Variants in RAI1 observed in about 807,000 individuals in gnomAD.
RAI1 encodes the protein retinoic acid-induced protein 1.
A neutral mutation model predicts 123.8 loss-of-function variants in RAI1; 9 were observed. That is an observed-to-expected ratio of 0.07 (90% CI 0.04 to 0.13). The LOEUF (loss-of-function observed/expected upper bound fraction) is 0.13, where lower values mean the gene tolerates loss of function less well. Ranked by LOEUF, RAI1 falls within the 10% of genes least tolerant of loss-of-function variation. RAI1 has a pLI of 1.00. For missense variants in RAI1, 2,256 were observed against 2,545.8 expected (o/e 0.89, Z 2.45); for synonymous variants, 1,231 against 1,127.3 (o/e 1.09, Z -1.84).
Position 17,793,073 on chromosome 17 carries a change from G to T in RAI1, c.125G>T (p.Arg42Leu). The T allele has an allele frequency of 1.2e-6, 2 of 1,613,684 alleles. No homozygotes were observed. Among genetic ancestry groups the T allele is most frequent in the East Asian group, 2.2e-5 (1 of 44,872 alleles). ...AGTCAGGCCGGGCTAAGCTGCGACC[G>T]GCAGCGGCTGCTCGCCAAGGACTAT... ...QPSQAGLSCD[R>L]QRLLAKDYYN... is the part of the protein sequence containing the mutation. The change falls in exon 3 of 6, where the codon CGG (arginine) becomes CTG (leucine). Residue 42 changes from arginine (R) to leucine (L), a missense_variant. Arg to Leu is a moderately radical substitution (Grantham distance 102, BLOSUM62 -2). Transcript: ENST00000353383.
At chr17:17,765,688 T>G (rs2142993559) in intron 2 of RAI1, 1 of 152,362 alleles carries the variant, frequency 6.6e-6, no homozygotes, top group Middle Eastern at 3.4e-3. Context: ...GGCCCATCTT[T>G]TAAGTCAGGG....
rs991131708 is a variant in RAI1 at position 17,807,258 on chromosome 17, C to T, written c.5660-2132C>T. Among the ~76,000 whole-genome samples the T allele has an allele frequency of 2.5e-3, 11 of 4,442 alleles. No individual in the cohort carries two copies. In the East Asian group the frequency reaches 0.056, roughly 22 times the overall value. 2.9% of individuals were successfully genotyped at this position (4,442 alleles called of 152,430 possible). On this transcript the variant is annotated intron_variant, in intron 4 of 5. Coordinates refer to ENST00000353383, the MANE Select transcript of RAI1 (RefSeq NM_030665.4). ...TCTGCCAGCCAGGCGGTGGGGGGGGCGGGGGGGTGGGAGTGAGAGGGCACT... is the reference window on the plus strand; with the variant it reads ...TCTGCCAGCCAGGCGGTGGGGGGGGTGGGGGGGTGGGAGTGAGAGGGCACT...
chr17:17,703,196 A>T (rs961750832), intron 1 of RAI1, among the ~76,000 whole-genome samples: 2 of 152,170 alleles, frequency 1.3e-5, no homozygotes, highest in African/African-American at 4.8e-5. Flanking sequence ...CAAGGCTTCC[A>T]GGCAGGGAGT....
In RAI1 at chr17:17,699,671, G is replaced by T. The variant is rs998796071; in HGVS notation, c.-149+17878G>T. ...AATGAATTGCCAGTGAGTAATCGTT[G>T]AGTGACTTCATTTCCAATTTCCAGT... On this transcript the variant is annotated intron_variant, in intron 1 of 5. Transcript: ENST00000353383. 3.3e-5 allele frequency among the ~76,000 whole-genome samples: 5 copies of T among 151,756 alleles called. No homozygotes were observed. The East Asian group carries it at 9.6e-4, about 29-fold the overall frequency.
intron 2 of RAI1, among the ~76,000 whole-genome samples, chr17:17,743,043 C>CA (rs2142972447): frequency 6.6e-6 from 1 of 152,324 alleles, no homozygotes; most frequent in South Asian, 2.1e-4. Flanking sequence ...GGCTGGAGTG[C>CA]AGTGACATGA....
intron 2 of RAI1, among the ~76,000 whole-genome samples, chr17:17,756,197 ATT>A (rs765341751): frequency 2.0e-4 from 28 of 143,216 alleles, no homozygotes; most frequent in Non-Finnish European, 2.2e-4. Flanking sequence ...GAGTGAATGA[ATT>A]TTTTTTTTTT....
In RAI1 at chr17:17,794,978, G is replaced by A. The variant is rs780731931; in HGVS notation, c.2030G>A (p.Gly677Asp). ...LPDSLQLDKG[G>D]NAKDFSPGLF... ...GACTCCTTGCAGCTGGACAAGGGCG[G>A]CAATGCCAAGGACTTCAGCCCAGGG... Residue 677 changes from glycine (G) to aspartate (D), a missense_variant, in exon 3 of 6, where the codon GGC becomes GAC. Physicochemically the swap from Gly to Asp is moderately conservative, Grantham distance 94. Coordinates refer to ENST00000353383, the MANE Select transcript of RAI1 (RefSeq NM_030665.4). 6.2e-7 allele frequency: 1 copy of A among 1,613,828 alleles called. No homozygotes were observed. Among genetic ancestry groups the A allele is most frequent in the Non-Finnish European group, 8.5e-7 (1 of 1,180,050 alleles).
intron 1 of RAI1, among the ~76,000 whole-genome samples, chr17:17,701,118 C>T (rs914951751): frequency 2.0e-5 from 3 of 152,192 alleles, no homozygotes; most frequent in African/African-American, 7.2e-5. Context: ...CCCTGTCCTC[C>T]TGGGATGGGA....
intron 2 of RAI1, among the ~76,000 whole-genome samples, chr17:17,772,117 C>T (rs539077288): frequency 6.6e-6 from 1 of 152,158 alleles, no homozygotes; most frequent in Non-Finnish European, 1.5e-5. Flanking sequence ...CAAGGGTTGG[C>T]AATATGTACG....
At chr17:17,748,008 G>A (rs2029993559) in intron 2 of RAI1, among the ~76,000 whole-genome samples, 1 of 152,240 alleles carries the variant, frequency 6.6e-6, no homozygotes, top group Non-Finnish European at 1.5e-5. Flanking sequence ...AGGCTACAGT[G>A]AGCTGTGATC....
At position 17,744,066 on chromosome 17, in the gene RAI1, A is replaced by G. The variant is rs539334134; in HGVS notation, c.-17+19907A>G. Among the ~76,000 whole-genome samples, 4 of 152,374 alleles carry G rather than the reference A, an allele frequency of 2.6e-5. No individual in the cohort carries two copies. The South Asian group carries it at 8.3e-4, about 32-fold the overall frequency. On this transcript the variant is annotated intron_variant, in intron 2 of 5. Transcript: ENST00000353383. ...ACACAGTATTTAAGAGGCTTTGCCT[A>G]CAGACCTGAGTGACTGTGTGAATGG...
intron 2 of RAI1, among the ~76,000 whole-genome samples, chr17:17,781,597 G>A (rs548604545): frequency 6.6e-6 from 1 of 152,152 alleles, no homozygotes; most frequent in Non-Finnish European, 1.5e-5. Flanking sequence ...GGAGGGAGGG[G>A]TCTGGGTGAG....
At position 17,793,479 on chromosome 17, in the gene RAI1, G is replaced by T; in HGVS notation, c.531G>T (p.Pro177=). Residue 177 remains proline (P), a synonymous_variant, in exon 3 of 6, where the codon CCG becomes CCT. Transcript: ENST00000353383. ...RTHSLHVQQP[P]PPQQPLAYPK... The stretch of plus-strand genomic sequence containing the variant: ...ACTCCCTGCACGTCCAGCAGCCACC[G>T]CCGCCCCAGCAGCCCCTGGCATACC... 6.2e-7 allele frequency: 1 copy of T among 1,613,844 alleles called. No individual in the cohort carries two copies. Among genetic ancestry groups the T allele is most frequent in the Non-Finnish European group, 8.5e-7 (1 of 1,180,012 alleles).
At chr17:17,686,617 G>A (rs955333122) in intron 1 of RAI1, among the ~76,000 whole-genome samples, 6 of 145,528 alleles carry the variant, frequency 4.1e-5, no homozygotes, top group African/African-American at 7.5e-5. Flanking sequence ...GTGCACGCGC[G>A]CGCCGGGGAG....
intron 2 of RAI1, among the ~76,000 whole-genome samples, chr17:17,729,205 G>A (rs747062496): frequency 2.0e-5 from 3 of 152,216 alleles, no homozygotes; most frequent in Admixed American, 6.5e-5. Flanking sequence ...GGGTACCTGT[G>A]CCATGTCTTT....
chr17:17,739,842 AGTCCAGCT>A (rs2142966254), intron 2 of RAI1, among the ~76,000 whole-genome samples: 1 of 152,350 alleles, frequency 6.6e-6, no homozygotes, highest in South Asian at 2.1e-4. Context: ...CCCAGGCACC[AGTCCAGCT>A]GGCCAGTGGG....
intron 2 of RAI1, among the ~76,000 whole-genome samples, chr17:17,732,977 T>C (rs1294316343): frequency 6.6e-6 from 1 of 152,074 alleles, no homozygotes; most frequent in Non-Finnish European, 1.5e-5. Flanking sequence ...GGATTTCACA[T>C]AAAAATTCTA....
intron 4 of RAI1, among the ~76,000 whole-genome samples, chr17:17,806,443 TTGA>T (rs1456043939): frequency 1.3e-5 from 2 of 152,178 alleles, no homozygotes; most frequent in Non-Finnish European, 1.5e-5. Flanking sequence ...TCCATGGGAC[TTGA>T]TGATGAGGGA....
At chr17:17,769,996 G>A (rs375806001) in intron 2 of RAI1, among the ~76,000 whole-genome samples, 3 of 151,776 alleles carry the variant, frequency 2.0e-5, no homozygotes, top group Non-Finnish European at 4.4e-5. Flanking sequence ...GCGGGTGAGC[G>A]GGGGGGCCCT....
Sources: allele counts gnomAD v4.1 joint callset (sites outside exome capture counted in the v4.1 genomes callset), GRCh38; gene constraint gnomAD v4.1.1; transcripts MANE v1.5; gene names NCBI Gene and HGNC (gene_info 2026-07-23, HGNC 2026-07-21).